ATXN3: variants seen among roughly 807,000 people sequenced by gnomAD.
The protein encoded by ATXN3 is ataxin 3.
ATXN3 carries 28 observed loss-of-function variants against 58.2 expected under a neutral mutation model. That is an observed-to-expected ratio of 0.48 (90% CI 0.36 to 0.66). The LOEUF is 0.66. ATXN3 is among the 30% of genes least tolerant of loss of function. The pLI is 0.00. For missense variants in ATXN3, 321 were observed against 422.1 expected (o/e 0.76, Z 2.10); for synonymous variants, 113 against 138.5 (o/e 0.82, Z 1.29).
rs1349106475 is a variant in ATXN3, at chr14:92,075,167, T to G, written c.873-4114A>C. Among the ~76,000 whole-genome samples, 17 of 77,024 alleles carry G rather than the reference T, an allele frequency of 2.2e-4. 1 individual carries two copies. The East Asian group carries it at 8.0e-3, about 36-fold the overall frequency. 50.5% of individuals were successfully genotyped at this position (77,024 alleles called of 152,430 possible). ...ATCTGTAATAGGGAGTTTTTTTTTT[T>G]TTTTTTTTTTTTTTGAGATGGAGTC... On this transcript the variant is annotated intron_variant, in intron 9 of 10. Transcript: ENST00000644486.
chr14:92,067,115 CT>C (rs1270500945), intron 10 of ATXN3, among the ~76,000 whole-genome samples: 2 of 150,802 alleles, frequency 1.3e-5, no homozygotes, highest in Non-Finnish European at 3.0e-5. Flanking sequence ...GTATGTACCC[CT>C]TCCTTCTGGC....
At chr14:92,106,389 G>A (rs1301423971) in intron 1 of ATXN3, 140 bp downstream of exon 1, 23 of 1,065,326 alleles carry the variant, frequency 2.2e-5, no homozygotes, top group Non-Finnish European at 2.9e-5. Context: ...GGAGGCGGGA[G>A]GCTGCGGCGT....
intron 1 of ATXN3, among the ~76,000 whole-genome samples, chr14:92,097,732 A>G (rs920739629): frequency 1.3e-5 from 2 of 151,958 alleles, no homozygotes; most frequent in Non-Finnish European, 2.9e-5. Context: ...TCACAATGTT[A>G]GCCAGGATGG....
intron 3 of ATXN3, among the ~76,000 whole-genome samples, chr14:92,094,143 T>C (rs1242236169): frequency 6.6e-6 from 1 of 152,084 alleles, no homozygotes; most frequent in African/African-American, 2.4e-5. Flanking sequence ...GGTTTCACCT[T>C]GTTGGCCAGG....
chr14:92,101,534 T>C (rs573612370), intron 1 of ATXN3, among the ~76,000 whole-genome samples: 2 of 152,164 alleles, frequency 1.3e-5, no homozygotes, highest in Non-Finnish European at 1.5e-5. Context: ...GAAGTTCACT[T>C]TGCCATAATC....
chr14:92,093,868 C>T (rs2064482787), intron 3 of ATXN3, 37 bp from the exon 4 acceptor site: 5 of 1,249,316 alleles, frequency 4.0e-6, no homozygotes, highest in African/African-American at 1.5e-5. Flanking sequence ...TAAGCTAAAC[C>T]ACTCCATTCC....
In ATXN3 at chr14:92,062,736, C is replaced by T. The variant is rs1023137645; in HGVS notation, c.*1584G>A. 2.6e-5 allele frequency: 4 copies of T among 152,424 alleles called. No homozygotes were observed. Among genetic ancestry groups the T allele is most frequent in the Admixed American group, 2.0e-4 (3 of 15,266 alleles). The allele number at this position is 152,424 out of a possible 1,614,324, so 9.4% of individuals were successfully genotyped here. On this transcript the variant is annotated 3_prime_UTR_variant, in exon 11 of 11. Coordinates refer to ENST00000644486, the MANE Select transcript of ATXN3 (RefSeq NM_004993.6). ...TAATGACTTAAAAAATCTGTTATATCGAAGAAAAAGCTATTTTATAATCAT... is the reference window on the plus strand; with the variant it reads ...TAATGACTTAAAAAATCTGTTATATTGAAGAAAAAGCTATTTTATAATCAT...
downstream of ATXN3, chr14:92,058,396 A>ATCATAGCTCACTGCAGCC: frequency 6.6e-6 from 1 of 152,192 alleles, no homozygotes; most frequent in Non-Finnish European, 1.5e-5. Context: ...CAGTGGCAGG[A>ATCATAGCTCACTGCAGCC]TCATAGCTCA....
rs776899714 is a variant in ATXN3 at position 92,096,703 on chromosome 14, T to A, written c.160A>T (p.Thr54Ser). 8 of 1,613,910 alleles carry A rather than the reference T, an allele frequency of 5.0e-6. No individual in the cohort carries two copies. Among genetic ancestry groups the A allele is most frequent in the Non-Finnish European group, 6.8e-6 (8 of 1,179,972 alleles). ...ERMRMAEGGV[T>S]SEDYRTFLQQ... Reference sequence around the variant, plus strand: ...AAAAACGTGCGATAATCTTCACTAGTAACTCCTCCTTCTGCCATTCTCATC... The same window carrying A: ...AAAAACGTGCGATAATCTTCACTAGAAACTCCTCCTTCTGCCATTCTCATC... The change falls in exon 2 of 11, where the codon ACT (threonine) becomes TCT (serine). Residue 54 changes from threonine (T) to serine (S), a missense_variant. By Grantham distance (58) the Thr-to-Ser change is moderately conservative (BLOSUM62 1). Around this residue, in one of 2 missense-constraint regions of ATXN3, gnomAD observed 121 missense variants for 198.9 expected, o/e 0.61. Coordinates refer to ENST00000644486, the MANE Select transcript of ATXN3 (RefSeq NM_004993.6).
chr14:92,079,289 G>T, intron 9 of ATXN3: 1 of 258,390 alleles, frequency 3.9e-6, no homozygotes, highest in Non-Finnish European at 6.0e-6. Flanking sequence ...TATAAATTTG[G>T]AGTTTATTAT....
At chr14:92,087,837 G>A (rs986862632) in intron 6 of ATXN3, among the ~76,000 whole-genome samples, 4 of 152,142 alleles carry the variant, frequency 2.6e-5, no homozygotes, top group Admixed American at 6.5e-5. Flanking sequence ...ATTGAGATTT[G>A]ACAGTGGTTA....
chr14:92,066,896 A>C (rs61988396), intron 10 of ATXN3, among the ~76,000 whole-genome samples: 9,067 of 151,908 alleles, frequency 0.06, 402 homozygotes, highest in Non-Finnish European at 0.09. Flanking sequence ...CAGCCTCCCA[A>C]GTAGCTAGGA....
chr14:92,074,143 G>A (rs918849874), intron 9 of ATXN3, among the ~76,000 whole-genome samples: 1 of 151,286 alleles, frequency 6.6e-6, no homozygotes, highest in Non-Finnish European at 1.5e-5. Context: ...CCTGGCCAAC[G>A]TGGCAAAACC....
chr14:92,102,469 A>T (rs983652481), intron 1 of ATXN3, among the ~76,000 whole-genome samples: 1 of 152,202 alleles, frequency 6.6e-6, no homozygotes, highest in African/African-American at 2.4e-5. Context: ...TTCAAGACCA[A>T]CCTGAAACTA....
intron 9 of ATXN3, among the ~76,000 whole-genome samples, chr14:92,078,801 G>A (rs189713300): frequency 6.6e-6 from 1 of 152,102 alleles, no homozygotes; most frequent in East Asian, 1.9e-4. Context: ...TATTAAAATG[G>A]TTATAGAATA....
intron 1 of ATXN3, among the ~76,000 whole-genome samples, chr14:92,099,698 AT>A (rs56039439): frequency 0.18 from 27,110 of 152,090 alleles, 2,705 homozygotes; most frequent in Admixed American, 0.31. Context: ...GTGAAACCCC[AT>A]TTCTACAAAA....
intron 1 of ATXN3, among the ~76,000 whole-genome samples, chr14:92,102,823 A>G (rs2067151576): frequency 6.6e-6 from 1 of 152,204 alleles, no homozygotes; most frequent in Admixed American, 6.5e-5. Flanking sequence ...CAGAGCTGAG[A>G]CTCAAACCCA....
At chr14:92,097,600 ACTGTAAGCTCTGCCTC>A (rs2065727292) in intron 1 of ATXN3, among the ~76,000 whole-genome samples, 1 of 148,966 alleles carries the variant, frequency 6.7e-6, no homozygotes, top group Non-Finnish European at 1.5e-5. Context: ...ATCTCGGCTC[ACTGTAAGCTCTGCCTC>A]CTGAGTTCAC....
intron 6 of ATXN3, among the ~76,000 whole-genome samples, chr14:92,087,353 A>G (rs1184809360): frequency 6.6e-6 from 1 of 152,226 alleles, no homozygotes; most frequent in Non-Finnish European, 1.5e-5. Context: ...CAACAGGCTA[A>G]GGCAAGAGAA....
Sources: allele counts gnomAD v4.1 joint callset (sites outside exome capture counted in the v4.1 genomes callset), GRCh38; gene constraint gnomAD v4.1.1; regional missense constraint gnomAD v4.1.1; transcripts MANE v1.5; gene names NCBI Gene and HGNC (gene_info 2026-07-23, HGNC 2026-07-21).